Variants in TUSC3 observed in about 807,000 individuals in gnomAD.
TUSC3 encodes dolichyl-diphosphooligosaccharide--protein glycosyltransferase subunit TUSC3.
A neutral mutation model predicts 44.8 loss-of-function variants in TUSC3; 45 were observed. That is an observed-to-expected ratio of 1.00 (90% CI 0.79 to 1.29). The LOEUF (loss-of-function observed/expected upper bound fraction) is 1.29, where lower values mean the gene tolerates loss of function less well. TUSC3 is among the 50% of genes most tolerant of loss of function. The pLI, the probability that TUSC3 is intolerant of heterozygous loss-of-function variation, is 0.00. For synonymous variants in TUSC3, 212 were observed against 152.9 expected, an observed-to-expected ratio of 1.39 and a Z score of -2.85; for missense variants, 519 against 437.9, an observed-to-expected ratio of 1.19 and a Z score of -1.65.
intron 5 of TUSC3, among the ~76,000 whole-genome samples, chr8:15,671,112 G>T (rs890286511): frequency 6.6e-6 from 1 of 151,850 alleles, no homozygotes; most frequent in Non-Finnish European, 1.5e-5. Context: ...TCAACCTCCT[G>T]AGAAATGTGT....
the TUSC3 span, among the ~76,000 whole-genome samples, chr8:15,776,720 AC>A: frequency 1.3e-5 from 2 of 152,142 alleles, no homozygotes; most frequent in African/African-American, 4.8e-5. Context: ...CACTTAAGTA[AC>A]TTTATTACCA....
chr8:15,633,061 T>C (rs757774003), intron 2 of TUSC3, among the ~76,000 whole-genome samples: 40 of 152,220 alleles, frequency 2.6e-4, no homozygotes, highest in Non-Finnish European at 4.9e-4. Context: ...TTGAGGCCTT[T>C]TTAGTAGAGC....
chr8:15,431,310 C>T (rs1278902855), intron 1 of TUSC3, among the ~76,000 whole-genome samples: 1 of 149,174 alleles, frequency 6.7e-6, no homozygotes, highest in Non-Finnish European at 1.5e-5. Context: ...CTATATTCTT[C>T]CAATCCATGA....
intron 1 of TUSC3, among the ~76,000 whole-genome samples, chr8:15,471,341 A>G (rs1800491621): frequency 6.6e-6 from 1 of 152,190 alleles, no homozygotes; most frequent in Non-Finnish European, 1.5e-5. Flanking sequence ...TCTTGTTAAT[A>G]TAAATTATTT....
chr8:15,552,424 G>GA (rs1467421641), intron 1 of TUSC3, among the ~76,000 whole-genome samples: 1 of 151,754 alleles, frequency 6.6e-6, no homozygotes, highest in Non-Finnish European at 1.5e-5. Flanking sequence ...GATTCAGACA[G>GA]AAAATCAGGC....
intron 1 of TUSC3, among the ~76,000 whole-genome samples, chr8:15,427,211 C>T (rs1110854): frequency 0.59 from 86,372 of 146,488 alleles, 28,726 homozygotes; most frequent in Admixed American, 0.73. Context: ...TATTGTCTAA[C>T]GGTGCAGAAG....
At chr8:15,462,639 A>G (rs1800360600) in intron 1 of TUSC3, among the ~76,000 whole-genome samples, 2 of 152,142 alleles carry the variant, frequency 1.3e-5, no homozygotes, top group South Asian at 4.1e-4. Context: ...TAGATCTTGT[A>G]TAGACATGGC....
intron 1 of TUSC3, among the ~76,000 whole-genome samples, chr8:15,478,180 G>T (rs1161886666): frequency 2.0e-5 from 3 of 152,208 alleles, no homozygotes; most frequent in South Asian, 2.1e-4. Flanking sequence ...GGGCCAGGCT[G>T]GTCTCAAAGT....
At chr8:15,443,339 T>TGC in intron 1 of TUSC3, among the ~76,000 whole-genome samples, 1 of 33,160 alleles carries the variant, frequency 3.0e-5, no homozygotes. Flanking sequence ...CACCTAATTG[T>TGC]GTGTGTGTGT....
chr8:15,669,737 A>T (rs941566886), intron 5 of TUSC3, among the ~76,000 whole-genome samples: 3 of 151,736 alleles, frequency 2.0e-5, no homozygotes, highest in Non-Finnish European at 2.9e-5. Flanking sequence ...TACAGTAAAC[A>T]TCATATTTGG....
rs572690952 is a variant in TUSC3, at chr8:15,616,204, A to G, written c.139-6876A>G. ...TTTTTGCTTTTTTTCAATAGGGACTAATTTCTGTTTTAGAAGTTTATAGTG... is the reference window on the plus strand; with the variant it reads ...TTTTTGCTTTTTTTCAATAGGGACTGATTTCTGTTTTAGAAGTTTATAGTG... On this transcript the variant is annotated intron_variant, in intron 1 of 10. Transcript: ENST00000503731. Among the ~76,000 whole-genome samples, 17 of 152,348 alleles carry G rather than the reference A, an allele frequency of 1.1e-4. 1 individual carries two copies. In the South Asian group the frequency reaches 2.9e-3, roughly 26 times the overall value.
intron 1 of TUSC3, among the ~76,000 whole-genome samples, chr8:15,605,341 CTG>C (rs1366553148): frequency 6.6e-6 from 1 of 151,846 alleles, no homozygotes; most frequent in Non-Finnish European, 1.5e-5. Flanking sequence ...CTGGCAATAA[CTG>C]TTGTTTTATT....
chr8:15,504,182 T>G (rs1200457199), intron 2 of TUSC3, among the ~76,000 whole-genome samples: 1 of 152,078 alleles, frequency 6.6e-6, no homozygotes. Flanking sequence ...CCAGACTGCC[T>G]GGGTTCAAAT....
At chr8:15,533,242 T>C (rs1392496257) in intron 2 of TUSC3, among the ~76,000 whole-genome samples, 1 of 152,240 alleles carries the variant, frequency 6.6e-6, no homozygotes, top group Non-Finnish European at 1.5e-5. Flanking sequence ...AAACCTCTTT[T>C]TCTTCCCGGT....
rs1483189625 is a variant in TUSC3, at chr8:15,557,099, T to TA, written c.138+16533dup. ...TTGCCCATGCCTATGTCCTGAATGGTAATGCCTAGGTTTTCTTCTAGGGTT... is the reference window on the plus strand; with the variant it reads ...TTGCCCATGCCTATGTCCTGAATGGTAAATGCCTAGGTTTTCTTCTAGGGTT... On this transcript the variant is annotated intron_variant, in intron 1 of 10. Transcript: ENST00000503731. Among the ~76,000 whole-genome samples the TA allele has an allele frequency of 4.5e-3, 273 of 60,530 alleles. 3 individuals are homozygous for TA. The highest frequency in any genetic ancestry group is 0.016 in the African/African-American group (264 of 16,268). 39.7% of individuals were successfully genotyped at this position (60,530 alleles called of 152,430 possible).
At chr8:15,424,061 G>A (rs1275459483) in intron 1 of TUSC3, among the ~76,000 whole-genome samples, 1 of 129,382 alleles carries the variant, frequency 7.7e-6, no homozygotes, top group Non-Finnish European at 1.6e-5. Context: ...TGCTATCTTG[G>A]CTCACTGCAA....
chr8:15,449,980 G>A (rs1255482872), intron 1 of TUSC3, among the ~76,000 whole-genome samples: 1 of 152,100 alleles, frequency 6.6e-6, no homozygotes, highest in East Asian at 1.9e-4. Context: ...ATACCACATA[G>A]CCTAGGTGTG....
At chr8:15,785,737 G>C in the TUSC3 span, among the ~76,000 whole-genome samples, 6 of 151,990 alleles carry the variant, frequency 3.9e-5, no homozygotes, top group Non-Finnish European at 7.4e-5. Context: ...CTGCAATCTA[G>C]AACGCCTGGT....
At chr8:15,726,149 C>G (rs1810487019) in intron 6 of TUSC3, among the ~76,000 whole-genome samples, 3 of 152,208 alleles carry the variant, frequency 2.0e-5, no homozygotes, top group Middle Eastern at 3.4e-3. Context: ...GTCATCTTCC[C>G]AAGAATTCAG....
Sources: allele counts gnomAD v4.1 joint callset (sites outside exome capture counted in the v4.1 genomes callset), GRCh38; gene constraint gnomAD v4.1.1; transcripts MANE v1.5; gene names NCBI Gene and HGNC (gene_info 2026-07-23, HGNC 2026-07-21).